The following PPM1K variants were observed in gnomAD, a reference collection of about 807,000 sequenced individuals.
PPM1K encodes protein phosphatase, Mg2+/Mn2+ dependent 1K.
A neutral mutation model predicts 32.6 loss-of-function variants in PPM1K; 19 were observed. The observed-to-expected ratio is 0.58, with a 90% CI of 0.41 to 0.86. The LOEUF (loss-of-function observed/expected upper bound fraction) is 0.86. Among genes scored for constraint, PPM1K ranks in the 40% least tolerant of loss-of-function variants. PPM1K has a pLI of 0.00. For missense variants in PPM1K, 362 were observed against 461.2 expected, an observed-to-expected ratio of 0.78 and a Z score of 1.97; for synonymous variants, 159 against 165.3, an observed-to-expected ratio of 0.96 and a Z score of 0.29.
rs543743395 is a variant in PPM1K, at chr4:88,280,104, T to A, written c.-59-1462A>T. Among the ~76,000 whole-genome samples, 16 of 152,322 alleles carry A rather than the reference T, an allele frequency of 1.1e-4. No homozygotes were observed. In the East Asian group the frequency reaches 2.7e-3, roughly 26 times the overall value. On this transcript the variant is annotated intron_variant, in intron 1 of 6. Transcript: ENST00000608933. ...GTTCCAAAGAACATCCTTAGGTGTT[T>A]ATTTGTTTTAATTTCTTGTAGATAT... is the stretch of plus-strand genomic sequence containing the variant.
chr4:88,270,489 C>T (rs911960185), intron 3 of PPM1K, among the ~76,000 whole-genome samples: 6 of 152,042 alleles, frequency 3.9e-5, no homozygotes, highest in Non-Finnish European at 2.9e-5. Flanking sequence ...AATGTTAACT[C>T]GTAACTTTAA....
rs754289966 is a variant in PPM1K, at chr4:88,265,023, G to C, written c.965C>G (p.Ala322Gly). 1 of 1,614,166 alleles carries C rather than the reference G, an allele frequency of 6.2e-7. No homozygotes were observed. Among genetic ancestry groups the C allele is most frequent in the Non-Finnish European group, 8.5e-7 (1 of 1,180,030 alleles). ...FVNQCHDPNE[A>G]AHAVTEQAIQ... Reference sequence around the variant, plus strand: ...CACCTGTTCAGTCACCGCATGGGCTGCTTCGTTGGGATCATGGCACTGATT... The same window carrying C: ...CACCTGTTCAGTCACCGCATGGGCTCCTTCGTTGGGATCATGGCACTGATT... The change falls in exon 6 of 7, where the codon GCA becomes GGA. Residue 322 changes from alanine to glycine, a missense_variant. Transcript: ENST00000608933.
intron 3 of PPM1K, 147 bp from the exon 4 acceptor site, chr4:88,269,053 C>G: frequency 1.5e-6 from 1 of 662,838 alleles, no homozygotes; most frequent in Non-Finnish European, 2.5e-6. Context: ...AAATAAAATG[C>G]AAATGAACTA....
rs549813156 is a variant in PPM1K, at chr4:88,270,055, C to T, written c.542-1149G>A. Among the ~76,000 whole-genome samples the T allele has an allele frequency of 2.6e-5, 4 of 152,318 alleles. No homozygotes were observed. In the East Asian group the frequency reaches 7.7e-4, roughly 29 times the overall value. On this transcript the variant is annotated intron_variant, in intron 3 of 6. Coordinates refer to ENST00000608933, the MANE Select transcript of PPM1K (RefSeq NM_152542.5). ...TAGTAACACTGTTAACTCTTTAAAA[C>T]ATTCCAAAGATGACTTCGATTTTAA...
intron 4 of PPM1K, 109 bp from the exon 5 acceptor site, chr4:88,268,443 A>G (rs1731422796): frequency 7.7e-7 from 1 of 1,291,968 alleles, no homozygotes; most frequent in Non-Finnish European, 1.1e-6. Context: ...TAACACGGTG[A>G]AACCCCGTCT....
In PPM1K at chr4:88,260,843, T is replaced by C. The variant is rs540039497; in HGVS notation, c.*1752A>G. ...CTTTTGTTTCTGCCACAGAATTCCA[T>C]GTCATTCTTAAGATTCAGTATTTTT... On this transcript the variant is annotated 3_prime_UTR_variant, in exon 7 of 7. Transcript: ENST00000608933. 28 of 152,238 alleles carry C rather than the reference T, an allele frequency of 1.8e-4. No individual in the cohort carries two copies. The highest frequency in any genetic ancestry group is 1.5e-3 in the East Asian group (8 of 5,186). 9.4% of individuals were successfully genotyped at this position (152,238 alleles called of 1,614,324 possible).
intron 5 of PPM1K, among the ~76,000 whole-genome samples, chr4:88,266,807 C>A (rs1251232782): frequency 6.4e-5 from 9 of 140,870 alleles, no homozygotes; most frequent in Non-Finnish European, 1.2e-4. Flanking sequence ...TGACTGGGTG[C>A]AGGTGATGCT....
rs748117308 is a variant in PPM1K, at chr4:88,268,862, G to T, written c.586C>A (p.Arg196=). 6 of 1,613,764 alleles carry T rather than the reference G, an allele frequency of 3.7e-6. No individual in the cohort carries two copies. The South Asian group carries it at 6.6e-5, about 18-fold the overall frequency. ...GCTACAACCAGTTCAATACCATCTCGCAATAGGGCTACTGTTGCAGTAGTC... is the reference window on the plus strand; with the variant it reads ...GCTACAACCAGTTCAATACCATCTCTCAATAGGGCTACTGTTGCAGTAGTC... ...SGTTATVALL[R]DGIELVVASV... The change falls in exon 4 of 7, where the codon CGA becomes AGA. Residue 196 remains arginine, a synonymous_variant. Transcript: ENST00000608933.
intron 3 of PPM1K, chr4:88,275,042 G>T: frequency 1.2e-6 from 1 of 808,280 alleles, no homozygotes; most frequent in Non-Finnish European, 1.5e-6. Context: ...ATCTTGTCTT[G>T]CTCCATTATA....
chr4:88,283,453 T>A (rs1214911294), intron 1 of PPM1K, among the ~76,000 whole-genome samples: 1 of 152,220 alleles, frequency 6.6e-6, no homozygotes, highest in Non-Finnish European at 1.5e-5. Context: ...TAGTCGCTCA[T>A]TCTGAAACCG....
intron 6 of PPM1K, among the ~76,000 whole-genome samples, chr4:88,263,128 G>T (rs181314216): frequency 7.2e-5 from 11 of 152,150 alleles, no homozygotes; most frequent in African/African-American, 2.4e-4. Flanking sequence ...ATTCCCTTTA[G>T]GGAAATTTAC....
rs1202620964 is a variant in PPM1K, at chr4:88,262,525, T to C, written c.*70A>G. On this transcript the variant is annotated 3_prime_UTR_variant, in exon 7 of 7. Coordinates refer to ENST00000608933, the MANE Select transcript of PPM1K (RefSeq NM_152542.5). ...GATCTAGTGAGTTAGGAGACCTTTT[T>C]GATCTTATCAGTTTCTTGACATGCT... 6.4e-7 allele frequency: 1 copy of C among 1,565,928 alleles called. No individual in the cohort carries two copies. The highest frequency in any genetic ancestry group is 8.7e-7 in the Non-Finnish European group (1 of 1,153,686).
chr4:88,270,832 G>C (rs1044401202), intron 3 of PPM1K, among the ~76,000 whole-genome samples: 1 of 152,148 alleles, frequency 6.6e-6, no homozygotes, highest in Non-Finnish European at 1.5e-5. Context: ...TATAGGAAAG[G>C]CTTCAAAACT....
At chr4:88,264,683 C>T (rs369670529) in intron 6 of PPM1K, among the ~76,000 whole-genome samples, 1 of 152,294 alleles carries the variant, frequency 6.6e-6, no homozygotes, top group South Asian at 2.1e-4. Context: ...TGTAACTGTA[C>T]ATACTGTACA....
intron 3 of PPM1K, among the ~76,000 whole-genome samples, chr4:88,272,232 A>G (rs894942122): frequency 1.3e-5 from 2 of 152,214 alleles, no homozygotes; most frequent in Admixed American, 6.5e-5. Context: ...ACATCTCATC[A>G]ATGCTCTCTT....
chr4:88,269,331 T>C (rs1731465735), intron 3 of PPM1K, among the ~76,000 whole-genome samples: 1 of 152,250 alleles, frequency 6.6e-6, no homozygotes, highest in Non-Finnish European at 1.5e-5. Context: ...CTGACTTTTC[T>C]ATAGTCTATG....
intron 3 of PPM1K, among the ~76,000 whole-genome samples, chr4:88,271,540 ACACT>A (rs563000052): frequency 3.9e-4 from 60 of 152,340 alleles, no homozygotes; most frequent in African/African-American, 1.4e-3. Context: ...TACATTTAAC[ACACT>A]CACAAAAACA....
In PPM1K at chr4:88,260,634, C is replaced by T. The variant is rs560034117; in HGVS notation, c.*1961G>A. On this transcript the variant is annotated 3_prime_UTR_variant, in exon 7 of 7. Transcript: ENST00000608933. Reference sequence around the variant, plus strand: ...TTTATTTAGCACTTTTTTCAAAGGGCAATTCCTGATTAATATAGGCAGAAA... The same window carrying T: ...TTTATTTAGCACTTTTTTCAAAGGGTAATTCCTGATTAATATAGGCAGAAA... The T allele has an allele frequency of 6.6e-6, 1 of 151,822 alleles. No individual in the cohort carries two copies. Among genetic ancestry groups the T allele is most frequent in the African/African-American group, 2.4e-5 (1 of 41,408 alleles). 9.4% of individuals were successfully genotyped at this position (151,822 alleles called of 1,614,324 possible).
chr4:88,276,413 G>T, intron 3 of PPM1K: 11 of 985,402 alleles, frequency 1.1e-5, no homozygotes, highest in Non-Finnish European at 1.3e-5. Context: ...AACAGCAAAA[G>T]ATTTGGGACT....
Sources: gnomAD v4.1 joint callset for allele counts (sites outside exome capture counted in the v4.1 genomes callset) on GRCh38, gnomAD v4.1.1 for gene constraint, MANE v1.5 for transcripts, NCBI Gene and HGNC (gene_info 2026-07-23, HGNC 2026-07-21) for gene names.